LRP1B: variants seen among roughly 807,000 people sequenced by gnomAD.
LRP1B encodes LDL receptor related protein 1B, also known as low-density lipoprotein receptor-related protein 1B.
Under a neutral mutation model 556.6 loss-of-function variants are expected in LRP1B, and 217 were observed. The observed-to-expected ratio is 0.39, with a 90% CI of 0.35 to 0.44. LRP1B has a LOEUF of 0.44. Ranked by LOEUF, LRP1B falls within the 20% of genes least tolerant of loss-of-function variation. The pLI is 1.00. For synonymous variants in LRP1B, 2,047 were observed against 1,865.8 expected (o/e 1.10, Z -2.50); for missense variants, 5,053 against 5,620.8 (o/e 0.90, Z 3.23).
intron 2 of LRP1B, among the ~76,000 whole-genome samples, chr2:141,537,817 G>A (rs72853550): frequency 6.6e-6 from 1 of 152,088 alleles, no homozygotes; most frequent in Admixed American, 6.6e-5. Flanking sequence ...TTTATCTAGA[G>A]TGGGGAGCGG....
At chr2:140,279,949 G>T (rs1334553718) in intron 84 of LRP1B, among the ~76,000 whole-genome samples, 3 of 151,746 alleles carry the variant, frequency 2.0e-5, no homozygotes, top group African/African-American at 7.3e-5. Context: ...AAAATGTATT[G>T]ATATTTTACT....
chr2:140,563,249 C>A (rs1215285138), intron 43 of LRP1B, among the ~76,000 whole-genome samples: 2 of 151,740 alleles, frequency 1.3e-5, no homozygotes, highest in African/African-American at 4.8e-5. Flanking sequence ...CAGACAAAGT[C>A]TAATCAAGGC....
chr2:141,266,441 A>G (rs1335781428), intron 3 of LRP1B, among the ~76,000 whole-genome samples: 30 of 151,898 alleles, frequency 2.0e-4, no homozygotes, highest in Admixed American at 2.0e-3. Flanking sequence ...GTTTTCTCAT[A>G]TATTTCTCTG....
At chr2:141,924,684 G>T (rs544183275) in intron 1 of LRP1B, among the ~76,000 whole-genome samples, 1 of 152,284 alleles carries the variant, frequency 6.6e-6, no homozygotes, top group East Asian at 1.9e-4. Flanking sequence ...TTGAGCAGTG[G>T]CAGCAAGCAA....
chr2:140,806,765 C>G (rs1296244334), intron 32 of LRP1B, among the ~76,000 whole-genome samples: 2 of 152,184 alleles, frequency 1.3e-5, no homozygotes, highest in Non-Finnish European at 2.9e-5. Context: ...TACACCAGCT[C>G]TTTCATGCCC....
intron 7 of LRP1B, among the ~76,000 whole-genome samples, chr2:141,186,091 A>AAAC (rs1049002986): frequency 2.6e-5 from 4 of 151,140 alleles, no homozygotes; most frequent in Non-Finnish European, 5.9e-5. Context: ...AAAAAAAAAA[A>AAAC]AAAAAAAACC....
At chr2:140,991,730 T>C (rs1697098062) in intron 16 of LRP1B, among the ~76,000 whole-genome samples, 1 of 152,002 alleles carries the variant, frequency 6.6e-6, no homozygotes, top group South Asian at 2.1e-4. Context: ...GTATTGAGAG[T>C]CAAAAAAAGA....
Position 140,986,991 on chromosome 2 carries a change from T to C in LRP1B, c.2770+2541A>G, listed in dbSNP as rs531272349. 2.0e-5 allele frequency among the ~76,000 whole-genome samples: 3 copies of C among 152,288 alleles called. No individual in the cohort carries two copies. In the South Asian group the frequency reaches 6.2e-4, roughly 32 times the overall value. On this transcript the variant is annotated intron_variant, in intron 17 of 90. Transcript: ENST00000389484. ...TCTTTTTATCTAGCATATATGTCCA[T>C]GTATTCACTTATATCTAGCAATGGA...
intron 60 of LRP1B, among the ~76,000 whole-genome samples, chr2:140,469,202 C>T (rs72990637): frequency 0.025 from 3,777 of 152,160 alleles, 152 homozygotes; most frequent in African/African-American, 0.083. Context: ...TACTAAGAGG[C>T]GGGCCTTTGG....
At chr2:141,648,031 G>A (rs1371107256) in intron 2 of LRP1B, among the ~76,000 whole-genome samples, 1 of 152,194 alleles carries the variant, frequency 6.6e-6, no homozygotes, top group East Asian at 1.9e-4. Context: ...AGTATCCTGT[G>A]AGACTTCTTA....
intron 3 of LRP1B, among the ~76,000 whole-genome samples, chr2:141,470,093 C>T (rs913076563): frequency 1.3e-5 from 2 of 152,134 alleles, no homozygotes; most frequent in African/African-American, 4.8e-5. Flanking sequence ...CACATGGGAT[C>T]TTGGAATGTA....
intron 41 of LRP1B, among the ~76,000 whole-genome samples, chr2:140,648,524 G>T (rs13431077): frequency 0.22 from 32,833 of 151,952 alleles, 3,571 homozygotes; most frequent in South Asian, 0.24. Flanking sequence ...TGTGAGGAGG[G>T]GTGGGGTGAT....
At chr2:140,743,182 T>C (rs1573651782) in intron 35 of LRP1B, among the ~76,000 whole-genome samples, 1 of 152,194 alleles carries the variant, frequency 6.6e-6, no homozygotes, top group African/African-American at 2.4e-5. Flanking sequence ...TAGAATTTCA[T>C]GAATAACAAA....
chr2:141,487,308 C>T (rs1051723300), intron 2 of LRP1B, among the ~76,000 whole-genome samples: 2 of 152,126 alleles, frequency 1.3e-5, no homozygotes, highest in Non-Finnish European at 2.9e-5. Flanking sequence ...TCTCATCCAT[C>T]TCACCAATGC....
chr2:141,806,719 T>C (rs1696179183), intron 2 of LRP1B, among the ~76,000 whole-genome samples: 1 of 152,072 alleles, frequency 6.6e-6, no homozygotes, highest in Admixed American at 6.6e-5. Flanking sequence ...TTTCTAAGTA[T>C]CTAAATTTTA....
chr2:140,241,313 A>G (rs1256892474), intron 87 of LRP1B, among the ~76,000 whole-genome samples: 1 of 150,818 alleles, frequency 6.6e-6, no homozygotes, highest in Non-Finnish European at 1.5e-5. Context: ...TTCTTCAAAA[A>G]CTATGACTTC....
At chr2:141,718,490 C>T (rs2105492639) in intron 2 of LRP1B, among the ~76,000 whole-genome samples, 1 of 152,186 alleles carries the variant, frequency 6.6e-6, no homozygotes, top group East Asian at 1.9e-4. Context: ...ACCCTACATG[C>T]CTGTAATATT....
chr2:141,913,615 C>T (rs544891003), intron 1 of LRP1B, among the ~76,000 whole-genome samples: 2 of 152,024 alleles, frequency 1.3e-5, no homozygotes, highest in East Asian at 3.9e-4. Context: ...AAGGAATACC[C>T]CACTTGGAAA....
At chr2:141,862,881 A>G (rs2105789616) in intron 1 of LRP1B, among the ~76,000 whole-genome samples, 1 of 152,344 alleles carries the variant, frequency 6.6e-6, no homozygotes, top group South Asian at 2.1e-4. Flanking sequence ...AAAGTTGGAG[A>G]AACACAAGCC....
Sources: gnomAD v4.1 joint callset for allele counts (sites outside exome capture counted in the v4.1 genomes callset) on GRCh38, gnomAD v4.1.1 for gene constraint, MANE v1.5 for transcripts, NCBI Gene and HGNC (gene_info 2026-07-23, HGNC 2026-07-21) for gene names.